Variants in MBOAT2 observed in about 807,000 individuals in gnomAD.
MBOAT2 encodes the protein membrane-bound glycerophospholipid O-acyltransferase 2.
In MBOAT2, 28 loss-of-function variants were observed where a neutral mutation model predicts 63.4. The observed-to-expected ratio is 0.44, with a 90% CI of 0.33 to 0.61. The LOEUF is 0.61. MBOAT2 is among the 20% of genes least tolerant of loss of function. The probability of loss-of-function intolerance (pLI) is 0.03; values close to 1 mark genes in which losing one functional copy is unlikely to be tolerated. For missense variants in MBOAT2, 470 were observed against 605.8 expected, an observed-to-expected ratio of 0.78 and a Z score of 2.35; for synonymous variants, 211 against 215.6, an observed-to-expected ratio of 0.98 and a Z score of 0.19.
chr2:8,906,648 T>C (rs749561883), intron 4 of MBOAT2, among the ~76,000 whole-genome samples: 3 of 152,206 alleles, frequency 2.0e-5, no homozygotes, highest in Non-Finnish European at 2.9e-5. Context: ...AAATGTGAGG[T>C]AAAGGTCTTG....
chr2:8,978,791 G>A (rs759876921), intron 1 of MBOAT2, among the ~76,000 whole-genome samples: 4 of 151,658 alleles, frequency 2.6e-5, no homozygotes, highest in African/African-American at 7.3e-5. Context: ...TAACAAACCC[G>A]CACATTCTGC....
At chr2:8,994,915 A>G (rs955796232) in intron 1 of MBOAT2, among the ~76,000 whole-genome samples, 1 of 152,230 alleles carries the variant, frequency 6.6e-6, no homozygotes, top group Non-Finnish European at 1.5e-5. Context: ...TGTATTGAGG[A>G]GCATTTTAAG....
At chr2:8,976,226 T>C (rs868133163) in intron 1 of MBOAT2, among the ~76,000 whole-genome samples, 1 of 152,128 alleles carries the variant, frequency 6.6e-6, no homozygotes, top group South Asian at 2.1e-4. Flanking sequence ...GCGAGCGATT[T>C]AATCAAGGCA....
At chr2:8,872,885 C>G (rs148126279) in intron 8 of MBOAT2, among the ~76,000 whole-genome samples, 1,930 of 152,258 alleles carry the variant, frequency 0.013, 24 homozygotes, top group Non-Finnish European at 0.02. Flanking sequence ...TATCTGTTGT[C>G]TTTCATTGAT....
intron 1 of MBOAT2, among the ~76,000 whole-genome samples, chr2:8,972,673 A>G (rs1184496482): frequency 6.6e-6 from 1 of 152,180 alleles, no homozygotes; most frequent in Non-Finnish European, 1.5e-5. Context: ...AATTTACAAG[A>G]AAAAAACAAA....
intron 6 of MBOAT2, among the ~76,000 whole-genome samples, chr2:8,880,840 G>A (rs1312333960): frequency 1.3e-5 from 2 of 152,240 alleles, no homozygotes; most frequent in African/African-American, 4.8e-5. Flanking sequence ...AGTGAAATCG[G>A]CCAAGATTAA....
At chr2:8,878,378 A>T (rs976214972) in intron 6 of MBOAT2, among the ~76,000 whole-genome samples, 2 of 152,238 alleles carry the variant, frequency 1.3e-5, no homozygotes, top group African/African-American at 4.8e-5. Context: ...ATCACAAAGA[A>T]AGCACAACTG....
intron 1 of MBOAT2, among the ~76,000 whole-genome samples, chr2:8,979,013 G>A (rs1671022188): frequency 6.6e-6 from 1 of 151,862 alleles, no homozygotes; most frequent in African/African-American, 2.4e-5. Context: ...AAAAATAAAG[G>A]TCAATTTCAA....
rs142420935 is a variant in MBOAT2, at chr2:8,984,349, G to C, written c.75+19191C>G. Reference sequence around the variant, plus strand: ...CTGTGAATATACTTATCACTACTGAGCTGTGTGCACTTAAAGATGGTTACG... The same window carrying C: ...CTGTGAATATACTTATCACTACTGACCTGTGTGCACTTAAAGATGGTTACG... On this transcript the variant is annotated intron_variant, in intron 1 of 12. Coordinates refer to ENST00000305997, the MANE Select transcript of MBOAT2 (RefSeq NM_138799.4). 1.8e-3 allele frequency among the ~76,000 whole-genome samples: 272 copies of C among 152,236 alleles called. 1 individual carries two copies. Among genetic ancestry groups the C allele is most frequent in the African/African-American group, 6.2e-3 (256 of 41,530 alleles).
chr2:8,876,848 T>G, intron 7 of MBOAT2, 182 bp downstream of exon 7: 1 of 519,876 alleles, frequency 1.9e-6, no homozygotes, highest in Non-Finnish European at 3.3e-6. Flanking sequence ...GTTTCTCAAG[T>G]GACCTTATTT....
chr2:8,884,416 G>A (rs907473526), intron 5 of MBOAT2, among the ~76,000 whole-genome samples: 1 of 150,412 alleles, frequency 6.6e-6, no homozygotes. Context: ...CCCCAAAAAA[G>A]GGTAATTCCT....
rs1318605790 is a variant in MBOAT2 at position 8,855,948 on chromosome 2, CCT to C, written c.*2729_*2730del. ...AGCAAGCACATAATACAACGAATCC[CCT>C]TTCTATTTAACAGGAGTAGACGTAC... On this transcript the variant is annotated 3_prime_UTR_variant, in exon 13 of 13. Transcript: ENST00000305997. 1 of 151,942 alleles carries C rather than the reference CCT, an allele frequency of 6.6e-6. No individual in the cohort carries two copies. The highest frequency in any genetic ancestry group is 1.5e-5 in the Non-Finnish European group (1 of 68,010). The allele number at this position is 151,942 out of a possible 1,614,324, so 9.4% of individuals were successfully genotyped here.
In MBOAT2 at chr2:8,877,035, G is replaced by A. The variant is rs1477606020; in HGVS notation, c.685C>T (p.Pro229Ser). Residue 229 changes from proline (P) to serine (S), a missense_variant, in exon 7 of 13, where the codon CCA becomes TCA. Around this residue, in one of 3 missense-constraint regions of MBOAT2, gnomAD observed 376 missense variants for 503.8 expected, o/e 0.75. Transcript: ENST00000305997. ...GATAAATCTCATGACCTTACATTTG[G>A]AGATGGCTCTGTTCTTTCATACTGT... ...ETQYERTEPS[P>S]NTAVVQKLLV... The A allele has an allele frequency of 6.2e-7, 1 of 1,607,220 alleles. No individual in the cohort carries two copies. The highest frequency in any genetic ancestry group is 1.1e-5 in the South Asian group (1 of 89,504).
chr2:8,871,269 A>T (rs578048367), intron 8 of MBOAT2, among the ~76,000 whole-genome samples: 2 of 152,174 alleles, frequency 1.3e-5, no homozygotes, highest in South Asian at 4.1e-4. Flanking sequence ...ACATGCTGGG[A>T]TTACAGGTAT....
chr2:8,898,545 G>A (rs993085061), intron 4 of MBOAT2, among the ~76,000 whole-genome samples: 16 of 152,368 alleles, frequency 1.1e-4, no homozygotes, highest in African/African-American at 3.8e-4. Flanking sequence ...GAAAGTTCAA[G>A]AGATCTAGAG....
At chr2:8,985,507 A>G (rs917562313) in intron 1 of MBOAT2, among the ~76,000 whole-genome samples, 1 of 152,132 alleles carries the variant, frequency 6.6e-6, no homozygotes, top group East Asian at 1.9e-4. Flanking sequence ...ACACAGCCCA[A>G]AGGAAAACCT....
chr2:8,888,269 A>G (rs1403826687), intron 4 of MBOAT2, among the ~76,000 whole-genome samples, 196 bp from the exon 5 acceptor site: 1 of 152,200 alleles, frequency 6.6e-6, no homozygotes, highest in Non-Finnish European at 1.5e-5. Context: ...GGGGATCTGG[A>G]CTTTCTCCGA....
At chr2:8,946,379 AAATT>A (rs2103246803) in intron 2 of MBOAT2, among the ~76,000 whole-genome samples, 1 of 152,358 alleles carries the variant, frequency 6.6e-6, no homozygotes, top group Non-Finnish European at 1.5e-5. Context: ...ATTAAAGTCT[AAATT>A]AATTCTCACT....
intron 5 of MBOAT2, among the ~76,000 whole-genome samples, chr2:8,885,051 C>G (rs936097335): frequency 6.6e-6 from 1 of 152,174 alleles, no homozygotes; most frequent in African/African-American, 2.4e-5. Context: ...ACAGCTGATA[C>G]GGGTAGTCCA....
Sources: allele counts gnomAD v4.1 joint callset (sites outside exome capture counted in the v4.1 genomes callset), GRCh38; gene constraint gnomAD v4.1.1; regional missense constraint gnomAD v4.1.1; transcripts MANE v1.5; gene names NCBI Gene and HGNC (gene_info 2026-07-23, HGNC 2026-07-21).